Variants in NAXD observed in about 807,000 individuals in gnomAD.
The protein encoded by NAXD is NAD(P)HX dehydratase.
Under a neutral mutation model 35.8 loss-of-function variants are expected in NAXD, and 22 were observed. The ratio of observed to expected loss-of-function variants is 0.62; its 90% CI spans 0.44 to 0.88. NAXD has a LOEUF of 0.88. Among genes scored for constraint, NAXD ranks in the 40% least tolerant of loss-of-function variants. The pLI is 0.00. For synonymous variants in NAXD, 189 were observed against 177.6 expected, an observed-to-expected ratio of 1.06 and a Z score of -0.51; for missense variants, 428 against 437.7, an observed-to-expected ratio of 0.98 and a Z score of 0.20.
At position 110,638,147 on chromosome 13, in the gene NAXD, C is replaced by T. The variant is rs1042348291; in HGVS notation, c.840-231C>T. On this transcript the variant is annotated intron_variant, in intron 9 of 9. Transcript: ENST00000680254. The surrounding 1 kb of genome is among the most constrained non-coding windows in gnomAD (Gnocchi z 5.4). Reference sequence around the variant, plus strand: ...CTGTGTGCCCTAGCCCTGGACCTGTCTCCGAGTACATAGACGTTTCCTGTG... The same window carrying T: ...CTGTGTGCCCTAGCCCTGGACCTGTTTCCGAGTACATAGACGTTTCCTGTG... The T allele has an allele frequency of 3.1e-6, 4 of 1,280,646 alleles. No homozygotes were observed. The highest frequency in any genetic ancestry group is 2.5e-4 in the Middle Eastern group (1 of 3,944). The allele number at this position is 1,280,646 out of a possible 1,614,324, so 79.3% of individuals were successfully genotyped here. A position where few individuals can be genotyped will look rare whatever the true frequency, so the allele number is the denominator to read the frequency against.
At chr13:110,636,368 C>T (rs558785530) in intron 8 of NAXD, among the ~76,000 whole-genome samples, 23 of 129,722 alleles carry the variant, frequency 1.8e-4, no homozygotes, top group Non-Finnish European at 2.4e-4. Flanking sequence ...TATGTGCACA[C>T]GCATGCAATT....
Position 110,625,180 on chromosome 13 carries a change from C to G in NAXD, c.244-10C>G, listed in dbSNP as rs967664185. On this transcript the variant is annotated splice_polypyrimidine_tract_variant and intron_variant, in intron 3 of 9. Coordinates refer to ENST00000680254, the MANE Select transcript of NAXD (RefSeq NM_001242882.2). Reference sequence around the variant, plus strand: ...GATCCCTGAGTCGGCCTCTTGTGCTCCTTCATCAGGGCGCAGACTTGTCCC... The same window carrying G: ...GATCCCTGAGTCGGCCTCTTGTGCTGCTTCATCAGGGCGCAGACTTGTCCC... 1.2e-6 allele frequency: 2 copies of G among 1,610,834 alleles called. No individual in the cohort carries two copies. Among genetic ancestry groups the G allele is most frequent in the Admixed American group, 3.3e-5 (2 of 59,992 alleles).
At chr13:110,627,655 T>C (rs3742193) in intron 5 of NAXD, 108 bp downstream of exon 5, 99,490 of 723,468 alleles carry the variant, frequency 0.14, 8,163 homozygotes, top group Admixed American at 0.32. Context: ...TGTGCCTCTT[T>C]GTGGCATGAT....
intron 5 of NAXD, among the ~76,000 whole-genome samples, chr13:110,630,672 G>A (rs1302189423): frequency 6.6e-6 from 1 of 152,082 alleles, no homozygotes. Flanking sequence ...TTAGCTCTGC[G>A]GTGCATGTCG....
chr13:110,634,549 T>G lies in NAXD; in HGVS notation c.446T>G (p.Ile149Ser). 1 of 1,614,192 alleles carries G rather than the reference T, an allele frequency of 6.2e-7. No individual in the cohort carries two copies. The highest frequency in any genetic ancestry group is 1.6e-4 in the Middle Eastern group (1 of 6,062). ...TCTGGTTTTCTCTTCTGGCAGGGCA[T>G]TTTGGAAGTGTCAAAGGCCAGGGAC... Reference protein sequence around the residue: ...DDALLRNVQGILEVSKARDIP... With the variant: ...DDALLRNVQGSLEVSKARDIP... Residue 149 changes from isoleucine to serine, a missense_variant, in exon 6 of 10, where the codon ATT (isoleucine) becomes AGT (serine). By Grantham distance (142) the Ile-to-Ser change is moderately radical. Coordinates refer to ENST00000680254, the MANE Select transcript of NAXD (RefSeq NM_001242882.2).
chr13:110,631,693 C>T (rs918724767), intron 5 of NAXD, among the ~76,000 whole-genome samples: 7 of 152,134 alleles, frequency 4.6e-5, no homozygotes, highest in African/African-American at 1.2e-4. Context: ...TTAGCAAAAG[C>T]CTGCCAGTTT....
intron 1 of NAXD, 75 bp downstream of exon 1, chr13:110,615,722 T>C: frequency 6.6e-7 from 1 of 1,513,250 alleles, no homozygotes; most frequent in Non-Finnish European, 8.8e-7. Flanking sequence ...GCGCGGTCGT[T>C]GTCGCATTGC....
chr13:110,638,137 C>T lies in NAXD; in HGVS notation c.840-241C>T, dbSNP rs891171435. The T allele has an allele frequency of 1.5e-5, 18 of 1,180,756 alleles. No individual in the cohort carries two copies. In the African/African-American group the frequency reaches 2.8e-4, roughly 18 times the overall value. The allele number at this position is 1,180,756 out of a possible 1,614,324, so 73.1% of individuals were successfully genotyped here. On this transcript the variant is annotated intron_variant, in intron 9 of 9. Transcript: ENST00000680254. The surrounding 1 kb of genome is among the most constrained non-coding windows in gnomAD (Gnocchi z 5.4). ...ACCTGGCCCACTGTGTGCCCTAGCC[C>T]TGGACCTGTCTCCGAGTACATAGAC... is the stretch of plus-strand genomic sequence containing the variant.
chr13:110,632,984 C>T (rs1222505900), intron 5 of NAXD, among the ~76,000 whole-genome samples: 4 of 152,344 alleles, frequency 2.6e-5, no homozygotes, highest in African/African-American at 9.6e-5. Context: ...GATCCCGCAC[C>T]AGGGCTGCAG....
intron 1 of NAXD, among the ~76,000 whole-genome samples, chr13:110,616,785 C>A (rs1185313256): frequency 2.6e-5 from 4 of 152,148 alleles, no homozygotes; most frequent in Non-Finnish European, 5.9e-5. Context: ...GTGACTTAGC[C>A]AGGATTCTCC....
chr13:110,618,088 G>A (rs968146615), intron 1 of NAXD, among the ~76,000 whole-genome samples: 3 of 152,262 alleles, frequency 2.0e-5, no homozygotes, highest in African/African-American at 7.2e-5. Context: ...CTGTGTGCTC[G>A]AAAGGTTTCA....
chr13:110,635,417 G>C, intron 7 of NAXD, 51 bp from the exon 8 acceptor site: 1 of 1,596,980 alleles, frequency 6.3e-7, no homozygotes, highest in Non-Finnish European at 8.6e-7. Flanking sequence ...ATCTGTCGTC[G>C]TGTGTCTGAG....
At chr13:110,616,504 C>G (rs1594164856) in intron 1 of NAXD, among the ~76,000 whole-genome samples, 1 of 152,202 alleles carries the variant, frequency 6.6e-6, no homozygotes, top group African/African-American at 2.4e-5. Flanking sequence ...CAGATGTCCC[C>G]GAGGGCCCTG....
chr13:110,617,282 G>C (rs968143274), intron 1 of NAXD, among the ~76,000 whole-genome samples: 4 of 152,200 alleles, frequency 2.6e-5, no homozygotes, highest in African/African-American at 9.7e-5. Context: ...CAAAGCAGCA[G>C]TGATAGTCTT....
rs534213019 is a variant in NAXD, at chr13:110,633,851, C to T, written c.442-694C>T. 1.1e-4 allele frequency among the ~76,000 whole-genome samples: 17 copies of T among 151,686 alleles called. No individual in the cohort carries two copies. The South Asian group carries it at 1.9e-3, about 17-fold the overall frequency. On this transcript the variant is annotated intron_variant, in intron 5 of 9. Transcript: ENST00000680254. ...GTTTATTATTGTTGTTATTTTAAAACGTGTAAGTAAAGTGATATGAAAAAT... is the reference window on the plus strand; with the variant it reads ...GTTTATTATTGTTGTTATTTTAAAATGTGTAAGTAAAGTGATATGAAAAAT...
At chr13:110,637,374 A>G in intron 9 of NAXD, 125 bp downstream of exon 9, 1 of 1,168,774 alleles carries the variant, frequency 8.6e-7, no homozygotes, top group Non-Finnish European at 1.2e-6. Flanking sequence ...TTCACTGGAG[A>G]GATCTCGGCA....
chr13:110,622,221 G>A lies in NAXD; in HGVS notation c.52G>A (p.Glu18Lys). 1 of 1,611,414 alleles carries A rather than the reference G, an allele frequency of 6.2e-7. No homozygotes were observed. The highest frequency in any genetic ancestry group is 8.5e-7 in the Non-Finnish European group (1 of 1,178,532). ...GAIRACRRVL[E>K]RAFSLRKAHS... Reference sequence around the variant, plus strand: ...TCATTTTTCTTGTCTTTCAGTTTTAGAAAGAGCGTTTTCGCTACGTAAAGC... The same window carrying A: ...TCATTTTTCTTGTCTTTCAGTTTTAAAAAGAGCGTTTTCGCTACGTAAAGC... Residue 18 changes from glutamate (E) to lysine (K), a missense_variant, in exon 2 of 10, where the codon GAA becomes AAA. Glu to Lys is a moderately conservative substitution (Grantham distance 56, BLOSUM62 1). Coordinates refer to ENST00000680254, the MANE Select transcript of NAXD (RefSeq NM_001242882.2).
Position 110,628,541 on chromosome 13 carries a change from G to T in NAXD, c.441+994G>T, listed in dbSNP as rs896713704. On this transcript the variant is annotated intron_variant, in intron 5 of 9. Transcript: ENST00000680254. The surrounding 1 kb of genome is among the most constrained non-coding windows in gnomAD (Gnocchi z 4.1). The stretch of plus-strand genomic sequence containing the variant: ...ATGGAGGGGTCTCTGAGGCTGCGGG[G>T]CTTGAAGGCGGCGAGTGATGGAGCC... Among the ~76,000 whole-genome samples, 19 of 152,068 alleles carry T rather than the reference G, an allele frequency of 1.2e-4. No individual in the cohort carries two copies. The highest frequency in any genetic ancestry group is 1.1e-3 in the Admixed American group (17 of 15,268).
chr13:110,622,279 AG>A lies in NAXD; in HGVS notation c.111del (p.Gln37HisfsTer3), dbSNP rs1886298407. 2 of 1,614,034 alleles carry A rather than the reference AG, an allele frequency of 1.2e-6. No homozygotes were observed. The highest frequency in any genetic ancestry group is 3.3e-5 in the Admixed American group (2 of 59,998). ...HSIKDMENTL[Q>X]LVRNIIPPLS... ...ATAAAGGATATGGAAAATACTTTGCAGCTGGTGAGAAATATCATACCTCCTC... is the reference window on the plus strand; with the variant it reads ...ATAAAGGATATGGAAAATACTTTGCACTGGTGAGAAATATCATACCTCCTC... On this transcript the variant is annotated frameshift_variant, in exon 2 of 10. Coordinates refer to ENST00000680254, the MANE Select transcript of NAXD (RefSeq NM_001242882.2). LOFTEE classifies it high-confidence loss of function.
Sources: gnomAD v4.1 joint callset for allele counts (sites outside exome capture counted in the v4.1 genomes callset) on GRCh38, gnomAD v4.1.1 for gene constraint, Gnocchi (gnomAD v3.1) non-coding constraint, MANE v1.5 for transcripts, NCBI Gene and HGNC (gene_info 2026-07-23, HGNC 2026-07-21) for gene names.